Variants in TRMT44 observed in about 807,000 individuals in gnomAD.
The protein encoded by TRMT44 is tRNA methyltransferase 44 homolog, also known as probable tRNA (uracil-O(2)-)-methyltransferase.
A neutral mutation model predicts 77.3 loss-of-function variants in TRMT44; 78 were observed. The observed-to-expected ratio is 1.01, with a 90% CI of 0.84 to 1.22. TRMT44 has a LOEUF of 1.22. Ranked by LOEUF, TRMT44 falls within the 50% of genes most tolerant of loss-of-function variation. TRMT44 has a pLI of 0.00. For missense variants in TRMT44, 1,090 were observed against 964.4 expected, an observed-to-expected ratio of 1.13 and a Z score of -1.73; for synonymous variants, 391 against 383.3, an observed-to-expected ratio of 1.02 and a Z score of -0.23.
chr4:8,471,753 G>A (rs1201186797), intron 10 of TRMT44, among the ~76,000 whole-genome samples: 1 of 152,234 alleles, frequency 6.6e-6, no homozygotes, highest in Non-Finnish European at 1.5e-5. Flanking sequence ...AGGGTATGGG[G>A]AGGCAGGAGG....
At chr4:8,513,192 G>A in the TRMT44 span, among the ~76,000 whole-genome samples, 10 of 152,324 alleles carry the variant, frequency 6.6e-5, no homozygotes, top group Non-Finnish European at 1.0e-4. Context: ...AAACAAAGAG[G>A]TTTATTGGAC....
the TRMT44 span, among the ~76,000 whole-genome samples, chr4:8,513,097 G>C: frequency 2.6e-5 from 4 of 152,112 alleles, no homozygotes; most frequent in African/African-American, 7.2e-5. Flanking sequence ...TTGCATTTTA[G>C]AGACAGGGTT....
intron 2 of TRMT44, among the ~76,000 whole-genome samples, chr4:8,448,536 C>T (rs1725209290): frequency 6.6e-6 from 1 of 152,228 alleles, no homozygotes; most frequent in South Asian, 2.1e-4. Flanking sequence ...GAGCATGAGG[C>T]CCAGGGAAGA....
In TRMT44 at chr4:8,444,276, G is replaced by A. The variant is rs10029016; in HGVS notation, c.620-2200G>A. Among the ~76,000 whole-genome samples the A allele has an allele frequency of 0.12, 17,727 of 151,814 alleles. 1,230 individuals are homozygous for A. The highest frequency in any genetic ancestry group is 0.2 in the South Asian group (980 of 4,806). On this transcript the variant is annotated intron_variant, in intron 1 of 10. Coordinates refer to ENST00000389737, the MANE Select transcript of TRMT44 (RefSeq NM_152544.3). This position sits in a 1 kb window ranked among gnomAD's most constrained non-coding sequence, Gnocchi z 4.0. ...TGGAAGGATGGTTACCAGAGGGTGG[G>A]AAGGGGAGTGGAGGGTTGGGGGAGA...
rs1350774420 is a variant in TRMT44 at position 8,468,440 on chromosome 4, C to T, written c.1927+94C>T. ...CAGAACCGACATGAAATGGTGTGGCCCTGTGACTACACACTTTGAAAAAGC... is the reference window on the plus strand; with the variant it reads ...CAGAACCGACATGAAATGGTGTGGCTCTGTGACTACACACTTTGAAAAAGC... On this transcript the variant is annotated intron_variant, in intron 9 of 10. Coordinates refer to ENST00000389737, the MANE Select transcript of TRMT44 (RefSeq NM_152544.3). The T allele has an allele frequency of 4.7e-6, 6 of 1,272,770 alleles. No homozygotes were observed. The East Asian group carries it at 9.3e-5, about 20-fold the overall frequency. The allele number at this position is 1,272,770 out of a possible 1,614,324, so 78.8% of individuals were successfully genotyped here.
chr4:8,498,037 C>G (rs1728200345), downstream of TRMT44, among the ~76,000 whole-genome samples: 2 of 152,206 alleles, frequency 1.3e-5, no homozygotes, highest in African/African-American at 4.8e-5. The surrounding 1 kb of genome is among the most constrained non-coding windows in gnomAD (Gnocchi z 4.3). Context: ...CCTCTGTGGA[C>G]TCCCACCCAC....
In TRMT44 at chr4:8,461,025, G is replaced by GT. The variant is rs1726120213; in HGVS notation, c.1204-2954dup. ...ACCATGCCTGACTAATTTTGTGTTT[G>GT]TTTTTTGTTGAAACAGGGTCTTCCT... On this transcript the variant is annotated intron_variant, in intron 6 of 10. Transcript: ENST00000389737. The surrounding 1 kb of genome is among the most constrained non-coding windows in gnomAD (Gnocchi z 4.6). Among the ~76,000 whole-genome samples, 5 of 151,864 alleles carry GT rather than the reference G, an allele frequency of 3.3e-5. No homozygotes were observed. The highest frequency in any genetic ancestry group is 3.3e-4 in the Admixed American group (5 of 15,262).
At chr4:8,510,386 C>T in the TRMT44 span, 1 of 152,892 alleles carries the variant, frequency 6.5e-6, no homozygotes, top group African/African-American at 2.4e-5. Flanking sequence ...CTGGCCCTCC[C>T]TCCACACTGA....
chr4:8,440,881 T>A lies in TRMT44; in HGVS notation c.59T>A (p.Phe20Tyr), dbSNP rs1724616027. The change falls in exon 1 of 11, where the codon TTC (phenylalanine) becomes TAC (tyrosine). Residue 20 changes from phenylalanine (F) to tyrosine (Y), a missense_variant. Transcript: ENST00000389737. ...CCAGGCGCGCTTCTCCCACAGGGCTTCTGGGCTGCGGTCGAAGTGTGGCTG... is the reference window on the plus strand; with the variant it reads ...CCAGGCGCGCTTCTCCCACAGGGCTACTGGGCTGCGGTCGAAGTGTGGCTG... The part of the protein sequence containing the change: ...SYPGALLPQG[F>Y]WAAVEVWLER... The A allele has an allele frequency of 1.3e-6, 2 of 1,527,488 alleles. No individual in the cohort carries two copies. The highest frequency in any genetic ancestry group is 1.7e-6 in the Non-Finnish European group (2 of 1,144,372). The allele number at this position is 1,527,488 out of a possible 1,614,324, so 94.6% of individuals were successfully genotyped here.
intron 1 of TRMT44, among the ~76,000 whole-genome samples, chr4:8,443,713 T>G (rs1289030019): frequency 6.6e-6 from 1 of 152,192 alleles, no homozygotes; most frequent in Non-Finnish European, 1.5e-5. Flanking sequence ...CTTGGCCCTA[T>G]TCTGGGTAAG....
chr4:8,487,661 C>T (rs1727858042), intron 2 of TRMT44, among the ~76,000 whole-genome samples: 1 of 151,898 alleles, frequency 6.6e-6, no homozygotes, highest in African/African-American at 2.4e-5. Flanking sequence ...GGTTCTTGCC[C>T]CCTAGAAAAG....
Position 8,446,448 on chromosome 4 carries a change from T to C in TRMT44, c.620-28T>C. 2.1e-6 allele frequency: 3 copies of C among 1,429,342 alleles called. No individual in the cohort carries two copies. Among genetic ancestry groups the C allele is most frequent in the Non-Finnish European group, 2.9e-6 (3 of 1,050,314 alleles). 88.5% of individuals were successfully genotyped at this position (1,429,342 alleles called of 1,614,324 possible). A position where few individuals can be genotyped will look rare whatever the true frequency, so the allele number is the denominator to read the frequency against. ...TGAGACGGTAGCTAGGCAGTTGTAA[T>C]TTGTCCTTCTTCTCTTTTTCTTTCC... is the stretch of plus-strand genomic sequence containing the variant. On this transcript the variant is annotated intron_variant, in intron 1 of 10. Coordinates refer to ENST00000389737, the MANE Select transcript of TRMT44 (RefSeq NM_152544.3). The surrounding 1 kb of genome is among the most constrained non-coding windows in gnomAD (Gnocchi z 4.3).
chr4:8,463,295 A>T (rs745567198), intron 6 of TRMT44, among the ~76,000 whole-genome samples: 1 of 152,160 alleles, frequency 6.6e-6, no homozygotes, highest in Non-Finnish European at 1.5e-5. Context: ...GATTTCAGTA[A>T]TTAGTGATGG....
intron 9 of TRMT44, among the ~76,000 whole-genome samples, chr4:8,469,828 G>T (rs1443010764): frequency 6.6e-6 from 1 of 152,248 alleles, no homozygotes; most frequent in East Asian, 1.9e-4. Flanking sequence ...CCCCCACCCA[G>T]CCTGTCCTCA....
At chr4:8,510,766 C>G in the TRMT44 span, 1 of 152,514 alleles carries the variant, frequency 6.6e-6, no homozygotes, top group Non-Finnish European at 1.5e-5. Flanking sequence ...GGGGGCTGCC[C>G]TGGGGCTCTA....
chr4:8,480,947 G>A (rs1055203251), downstream of TRMT44, among the ~76,000 whole-genome samples: 4 of 152,148 alleles, frequency 2.6e-5, no homozygotes, highest in African/African-American at 9.7e-5. Flanking sequence ...GTTTTGTGTG[G>A]GGGAAAATTT....
chr4:8,509,196 C>T, the TRMT44 span: 14 of 89,050 alleles, frequency 1.6e-4, no homozygotes, highest in Admixed American at 3.0e-4. Flanking sequence ...GCCCTGAGGA[C>T]GGAGGGAGGG....
chr4:8,506,451 C>G, the TRMT44 span, among the ~76,000 whole-genome samples: 1 of 152,352 alleles, frequency 6.6e-6, no homozygotes, highest in African/African-American at 2.4e-5. Flanking sequence ...CAGCCGCCTG[C>G]TGGGGTGGGA....
In TRMT44 at chr4:8,461,067, T is replaced by A. The variant is rs1726122344; in HGVS notation, c.1204-2918T>A. Among the ~76,000 whole-genome samples the A allele has an allele frequency of 6.6e-6, 1 of 152,046 alleles. No individual in the cohort carries two copies. Among genetic ancestry groups the A allele is most frequent in the Admixed American group, 6.5e-5 (1 of 15,272 alleles). ...GGTCTTCCTATGTTGCCCAGGCTGGTCTCAAACTCTGGGGCTCAAGTGATC... is the reference window on the plus strand; with the variant it reads ...GGTCTTCCTATGTTGCCCAGGCTGGACTCAAACTCTGGGGCTCAAGTGATC... On this transcript the variant is annotated intron_variant, in intron 6 of 10. Coordinates refer to ENST00000389737, the MANE Select transcript of TRMT44 (RefSeq NM_152544.3). The surrounding 1 kb of genome is among the most constrained non-coding windows in gnomAD (Gnocchi z 4.6).
Sources: allele counts gnomAD v4.1 joint callset (sites outside exome capture counted in the v4.1 genomes callset), GRCh38; gene constraint gnomAD v4.1.1; non-coding constraint Gnocchi (gnomAD v3.1); transcripts MANE v1.5; gene names NCBI Gene and HGNC (gene_info 2026-07-23, HGNC 2026-07-21).